The following CAMTA1 variants were observed in gnomAD, a reference collection of about 807,000 sequenced individuals.
CAMTA1 encodes calmodulin binding transcription activator 1, also known as calmodulin-binding transcription activator 1.
In CAMTA1, 27 loss-of-function variants were observed where a neutral mutation model predicts 170.9. The ratio of observed to expected loss-of-function variants is 0.16; its 90% confidence interval spans 0.12 to 0.22. The LOEUF is 0.22. Among genes scored for constraint, CAMTA1 ranks in the 10% least tolerant of loss-of-function variants. CAMTA1 has a pLI of 1.00. For missense variants in CAMTA1, 1,619 were observed against 2,217.2 expected (o/e 0.73, Z 5.42); for synonymous variants, 833 against 891.5 (o/e 0.93, Z 1.17).
At position 6,827,921 on chromosome 1, in the gene CAMTA1, T is replaced by A. The variant is rs543955430; in HGVS notation, c.234+2711T>A. 3.9e-5 allele frequency among the ~76,000 whole-genome samples: 6 copies of A among 152,294 alleles called. No individual in the cohort carries two copies. In the East Asian group the frequency reaches 5.8e-4, roughly 15 times the overall value. ...TTTAGAAGCTGTGTTGTACAAAAAC[T>A]CTATTTCTTAGATCCCACTGAAGGG... On this transcript the variant is annotated intron_variant, in intron 3 of 22. Coordinates refer to ENST00000303635, the MANE Select transcript of CAMTA1 (RefSeq NM_015215.4).
chr1:7,589,939 C>T (rs1046439379), intron 6 of CAMTA1, among the ~76,000 whole-genome samples: 6 of 152,176 alleles, frequency 3.9e-5, no homozygotes, highest in African/African-American at 1.4e-4. Context: ...GATCAGCCTC[C>T]CTCTTGCTGG....
chr1:7,670,115 G>A (rs752800314), intron 9 of CAMTA1, among the ~76,000 whole-genome samples: 6 of 152,198 alleles, frequency 3.9e-5, no homozygotes, highest in Non-Finnish European at 8.8e-5. Context: ...AAGGTCATTC[G>A]AGGCTGCTCC....
At chr1:7,308,250 T>C (rs1348949379) in intron 5 of CAMTA1, among the ~76,000 whole-genome samples, 1 of 25,506 alleles carries the variant, frequency 3.9e-5, no homozygotes, top group Non-Finnish European at 6.2e-5. Flanking sequence ...TCTTTTTCCT[T>C]TGTTAGTCTT....
chr1:6,854,643 G>C (rs1159055861), intron 3 of CAMTA1, among the ~76,000 whole-genome samples: 1 of 152,158 alleles, frequency 6.6e-6, no homozygotes, highest in Non-Finnish European at 1.5e-5. Context: ...GATTTATAGA[G>C]TAAATCTCAA....
In CAMTA1 at chr1:7,215,647, G is replaced by T. The variant is rs1659623282; in HGVS notation, c.303-33844G>T. ...GACTTCAGGTGATCCTCCCACCTTG[G>T]CCCCCCAAAGTGCTGGGATTACAGG... is the stretch of plus-strand genomic sequence containing the variant. On this transcript the variant is annotated intron_variant, in intron 4 of 22. Coordinates refer to ENST00000303635, the MANE Select transcript of CAMTA1 (RefSeq NM_015215.4). Among the ~76,000 whole-genome samples the T allele has an allele frequency of 3.3e-5, 5 of 152,292 alleles. No individual in the cohort carries two copies. In the South Asian group the frequency reaches 1.0e-3, roughly 32 times the overall value.
In CAMTA1 at chr1:7,634,061, G is replaced by C. The variant is rs1427627863; in HGVS notation, c.511-6339G>C. Reference sequence around the variant, plus strand: ...GTGGCCCGGCCTGGAACCGTGGCAGGAGTGTGGGCCTGATCTCAGTGCCAA... The same window carrying C: ...GTGGCCCGGCCTGGAACCGTGGCAGCAGTGTGGGCCTGATCTCAGTGCCAA... On this transcript the variant is annotated intron_variant, in intron 6 of 22. Coordinates refer to ENST00000303635, the MANE Select transcript of CAMTA1 (RefSeq NM_015215.4). This position sits in a 1 kb window ranked among gnomAD's most constrained non-coding sequence, Gnocchi z 6.2. 6.6e-6 allele frequency among the ~76,000 whole-genome samples: 1 copy of C among 152,214 alleles called. No homozygotes were observed. Among genetic ancestry groups the C allele is most frequent in the African/African-American group, 2.4e-5 (1 of 41,462 alleles).
intron 4 of CAMTA1, among the ~76,000 whole-genome samples, chr1:7,243,598 G>T (rs978028020): frequency 6.6e-6 from 1 of 152,070 alleles, no homozygotes; most frequent in Admixed American, 6.5e-5. Context: ...TCTCTGTTTT[G>T]GTACCAGTAC....
In CAMTA1 at chr1:7,537,050, G is replaced by A. The variant is rs752697672; in HGVS notation, c.510+69149G>A. On this transcript the variant is annotated intron_variant, in intron 6 of 22. Coordinates refer to ENST00000303635, the MANE Select transcript of CAMTA1 (RefSeq NM_015215.4). ...AGGCAGGGGCTCCCTGTCCAGTCAGGTAGCAGCCTCTGAGCAGGCAGCAGG... is the reference window on the plus strand; with the variant it reads ...AGGCAGGGGCTCCCTGTCCAGTCAGATAGCAGCCTCTGAGCAGGCAGCAGG... Among the ~76,000 whole-genome samples, 4 of 152,228 alleles carry A rather than the reference G, an allele frequency of 2.6e-5. 1 individual carries two copies. Among genetic ancestry groups the A allele is most frequent in the Admixed American group, 6.5e-5 (1 of 15,282 alleles).
intron 3 of CAMTA1, among the ~76,000 whole-genome samples, chr1:6,908,352 A>G (rs6577393): frequency 0.44 from 66,331 of 152,118 alleles, 15,371 homozygotes; most frequent in Non-Finnish European, 0.52. Flanking sequence ...TTTCTCCACC[A>G]TGCCCTCTGC....
chr1:7,376,700 C>T (rs1574999726), intron 5 of CAMTA1, among the ~76,000 whole-genome samples: 1 of 152,158 alleles, frequency 6.6e-6, no homozygotes, highest in Non-Finnish European at 1.5e-5. Context: ...AGGTTGTGAA[C>T]ATGGAGGATG....
intron 6 of CAMTA1, among the ~76,000 whole-genome samples, chr1:7,500,335 A>T (rs924019474): frequency 9.7e-5 from 14 of 144,254 alleles, no homozygotes; most frequent in Admixed American, 2.8e-4. Flanking sequence ...TGTAGAGAGG[A>T]TGGTGTGAGC....
chr1:7,004,616 GA>G (rs898680931), intron 3 of CAMTA1, among the ~76,000 whole-genome samples: 26 of 152,162 alleles, frequency 1.7e-4, no homozygotes, highest in African/African-American at 4.8e-4. Context: ...ATGAAAGTAT[GA>G]AAACCACTTA....
intron 5 of CAMTA1, among the ~76,000 whole-genome samples, chr1:7,348,145 T>G (rs1340706946): frequency 6.6e-6 from 1 of 152,106 alleles, no homozygotes; most frequent in African/African-American, 2.4e-5. Context: ...TACCTCTCTG[T>G]CTTCTCACTG....
chr1:6,839,923 G>A (rs1023667973), intron 3 of CAMTA1, among the ~76,000 whole-genome samples: 1 of 152,142 alleles, frequency 6.6e-6, no homozygotes, highest in African/African-American at 2.4e-5. Flanking sequence ...ATTTTGGGTC[G>A]GGCACAGTGG....
At chr1:6,809,004 C>T (rs1219776321) in intron 1 of CAMTA1, among the ~76,000 whole-genome samples, 3 of 151,548 alleles carry the variant, frequency 2.0e-5, no homozygotes, top group South Asian at 2.1e-4. Flanking sequence ...GCAAAGGTAC[C>T]ACTGTTTTTC....
intron 5 of CAMTA1, among the ~76,000 whole-genome samples, chr1:7,412,521 A>C (rs938907778): frequency 5.9e-5 from 9 of 152,156 alleles, no homozygotes; most frequent in African/African-American, 2.2e-4. Flanking sequence ...GATGGTGAGC[A>C]TTGTTTCATG....
chr1:7,584,343 C>T (rs2095289788), intron 6 of CAMTA1, among the ~76,000 whole-genome samples: 1 of 151,976 alleles, frequency 6.6e-6, no homozygotes, highest in African/African-American at 2.4e-5. Flanking sequence ...GGGTCGGGGG[C>T]TTCCGGCTGA....
intron 11 of CAMTA1, among the ~76,000 whole-genome samples, chr1:7,689,953 T>A (rs1210972827): frequency 6.6e-6 from 1 of 151,424 alleles, no homozygotes; most frequent in African/African-American, 2.4e-5. Context: ...AGGTCAGGAG[T>A]TCAAGACCAG....
Position 7,014,512 on chromosome 1 carries a change from G to A in CAMTA1, c.235-76792G>A, listed in dbSNP as rs1032702850. ...CCCATTAGACAGGGCATGGTGAGGCGAATGGCTGCAGGGACTGAGGCCTTT... is the reference window on the plus strand; with the variant it reads ...CCCATTAGACAGGGCATGGTGAGGCAAATGGCTGCAGGGACTGAGGCCTTT... On this transcript the variant is annotated intron_variant, in intron 3 of 22. Coordinates refer to ENST00000303635, the MANE Select transcript of CAMTA1 (RefSeq NM_015215.4). The surrounding 1 kb of genome is among the most constrained non-coding windows in gnomAD (Gnocchi z 4.2). Among the ~76,000 whole-genome samples, 4 of 152,194 alleles carry A rather than the reference G, an allele frequency of 2.6e-5. No homozygotes were observed. The highest frequency in any genetic ancestry group is 9.7e-5 in the African/African-American group (4 of 41,450).
Sources: allele counts gnomAD v4.1 joint callset (sites outside exome capture counted in the v4.1 genomes callset), GRCh38; gene constraint gnomAD v4.1.1; non-coding constraint Gnocchi (gnomAD v3.1); transcripts MANE v1.5; gene names NCBI Gene and HGNC (gene_info 2026-07-23, HGNC 2026-07-21).